Variants in UNC5B observed in about 807,000 individuals in gnomAD.
UNC5B encodes the protein unc-5 netrin receptor B, also known as netrin receptor UNC5B.
A neutral mutation model predicts 103.7 loss-of-function variants in UNC5B; 56 were observed. The observed-to-expected ratio is 0.54, with a 90% CI of 0.44 to 0.67. UNC5B has a LOEUF of 0.67. Among genes scored for constraint, UNC5B ranks in the 30% least tolerant of loss-of-function variants. The probability of loss-of-function intolerance (pLI) is 0.00; values close to 1 mark genes in which losing one functional copy is unlikely to be tolerated. For synonymous variants in UNC5B, 577 were observed against 542.0 expected, an observed-to-expected ratio of 1.06 and a Z score of -0.90; for missense variants, 1,194 against 1,284.5, an observed-to-expected ratio of 0.93 and a Z score of 1.08.
In UNC5B at chr10:71,213,561, C is replaced by T. The variant is rs72808449; in HGVS notation, c.79+497C>T. Among the ~76,000 whole-genome samples, 11,928 of 152,068 alleles carry T rather than the reference C, an allele frequency of 0.078. 578 individuals carry two copies. Among genetic ancestry groups the T allele is most frequent in the Non-Finnish European group, 0.1 (6,785 of 67,960 alleles). ...AGAGAGCGAAAAGACCTGCTGAACA[C>T]AGGAAGCGCTTCGGTAGCCTCGGCA... On this transcript the variant is annotated intron_variant, in intron 1 of 16. Coordinates refer to ENST00000335350, the MANE Select transcript of UNC5B (RefSeq NM_170744.5). The surrounding 1 kb of genome is among the most constrained non-coding windows in gnomAD (Gnocchi z 4.1).
chr10:71,285,416 T>A lies in UNC5B; in HGVS notation c.539T>A (p.Val180Glu), dbSNP rs374444516. ...VLLQCRPPEG[V>E]PVAEVEWLKN... is the part of the protein sequence containing the mutation. ...CTGCAGTGCCGCCCGCCGGAGGGGG[T>A]GCCTGTGGCCGAGGTGAGCGGGGAC... Residue 180 changes from valine (V) to glutamate (E), a missense_variant, in exon 4 of 17, where the codon GTG becomes GAG. Coordinates refer to ENST00000335350, the MANE Select transcript of UNC5B (RefSeq NM_170744.5). The A allele has an allele frequency of 1.9e-6, 3 of 1,601,102 alleles. No homozygotes were observed. The highest frequency in any genetic ancestry group is 2.6e-6 in the Non-Finnish European group (3 of 1,175,454).
At chr10:71,227,113 T>A (rs1396832369) in intron 1 of UNC5B, among the ~76,000 whole-genome samples, 1 of 151,866 alleles carries the variant, frequency 6.6e-6, no homozygotes, top group African/African-American at 2.4e-5. Flanking sequence ...GCCTCCCGAG[T>A]AGCTGGAATT....
chr10:71,244,927 A>G (rs1388660249), intron 1 of UNC5B, among the ~76,000 whole-genome samples: 1 of 152,208 alleles, frequency 6.6e-6, no homozygotes, highest in Non-Finnish European at 1.5e-5. Flanking sequence ...CAGCAGCCAG[A>G]TGTCTCCCAG....
chr10:71,234,254 C>G (rs965142493), intron 1 of UNC5B, among the ~76,000 whole-genome samples: 1 of 152,196 alleles, frequency 6.6e-6, no homozygotes, highest in Non-Finnish European at 1.5e-5. Flanking sequence ...TGCCCTTGGC[C>G]CGCACTTGAC....
chr10:71,276,034 C>G (rs372987131), intron 1 of UNC5B, among the ~76,000 whole-genome samples: 2 of 152,198 alleles, frequency 1.3e-5, no homozygotes. Context: ...GTTCGTAAGT[C>G]TTTGTGGCTA....
At chr10:71,221,305 T>A (rs1843447386) in intron 1 of UNC5B, among the ~76,000 whole-genome samples, 1 of 152,124 alleles carries the variant, frequency 6.6e-6, no homozygotes, top group Non-Finnish European at 1.5e-5. Context: ...CCTGGGCATG[T>A]GCGAGAAGGG....
In UNC5B at chr10:71,219,529, T is replaced by C. The variant is rs1420916717; in HGVS notation, c.79+6465T>C. Among the ~76,000 whole-genome samples the C allele has an allele frequency of 2.0e-5, 3 of 152,294 alleles. No homozygotes were observed. The East Asian group carries it at 5.8e-4, about 29-fold the overall frequency. On this transcript the variant is annotated intron_variant, in intron 1 of 16. Coordinates refer to ENST00000335350, the MANE Select transcript of UNC5B (RefSeq NM_170744.5). ...CTAGCCCTGCTGGCAGCTGATTAGA[T>C]TGTGCCCACCCAGATTAAGGGTGGG...
chr10:71,271,564 G>C (rs1420204359), intron 1 of UNC5B, among the ~76,000 whole-genome samples: 1 of 152,230 alleles, frequency 6.6e-6, no homozygotes, highest in African/African-American at 2.4e-5. Flanking sequence ...GAGGGCCTTG[G>C]GGGTGGAAGT....
Position 71,295,892 on chromosome 10 carries a change from A to G in UNC5B, c.2257A>G (p.Asn753Asp), listed in dbSNP as rs1589206586. 1 of 1,613,326 alleles carries G rather than the reference A, an allele frequency of 6.2e-7. No homozygotes were observed. The highest frequency in any genetic ancestry group is 8.5e-7 in the Non-Finnish European group (1 of 1,180,010). The change falls in exon 14 of 17, where the codon AAC becomes GAC. Residue 753 changes from asparagine (N) to aspartate (D), a missense_variant. Physicochemically the swap from Asn to Asp is conservative, Grantham distance 23. Transcript: ENST00000335350. ...KPLMFKDSYHNLRLSLHDLPH... is the reference protein window; with the variant it reads ...KPLMFKDSYHDLRLSLHDLPH... ...GCTAATGTTCAAGGACAGTTACCAC[A>G]ACCTGCGCCTCTCCCTCCATGACCT...
At chr10:71,274,586 A>G (rs1844724447) in intron 1 of UNC5B, among the ~76,000 whole-genome samples, 2 of 152,168 alleles carry the variant, frequency 1.3e-5, no homozygotes, top group African/African-American at 4.8e-5. Context: ...AGTAACTTCT[A>G]TAGAGACTTC....
chr10:71,292,372 A>G (rs1845286705), intron 10 of UNC5B, 95 bp from the exon 11 acceptor site: 1 of 1,078,402 alleles, frequency 9.3e-7, no homozygotes, highest in Non-Finnish European at 1.4e-6. Flanking sequence ...AGCTCAGGAG[A>G]TATCTTTCTC....
intron 11 of UNC5B, among the ~76,000 whole-genome samples, 200 bp from the exon 12 acceptor site, chr10:71,293,205 C>T (rs1308675453): frequency 3.9e-5 from 6 of 152,168 alleles, no homozygotes; most frequent in Non-Finnish European, 8.8e-5. Context: ...AGTGGAATAG[C>T]AAAAATCTGG....
In UNC5B at chr10:71,279,944, G is replaced by A. The variant is rs375543945; in HGVS notation, c.203G>A (p.Arg68His). 5.0e-5 allele frequency: 80 copies of A among 1,613,978 alleles called. No individual in the cohort carries two copies. The highest frequency in any genetic ancestry group is 3.1e-4 in the African/African-American group (23 of 75,060). ...GTGAAGAACAAGCCTGTGGAGCTCC[G>A]CTGCCGCGCCTTCCCCGCCACACAG... is the stretch of plus-strand genomic sequence containing the variant. ...YIVKNKPVEL[R>H]CRAFPATQIY... The change falls in exon 2 of 17, where the codon CGC becomes CAC. Residue 68 changes from arginine to histidine, a missense_variant. Physicochemically the swap from Arg to His is conservative, Grantham distance 29. Transcript: ENST00000335350.
intron 1 of UNC5B, among the ~76,000 whole-genome samples, chr10:71,224,073 G>GCTCA (rs1843506562): frequency 6.6e-6 from 1 of 152,208 alleles, no homozygotes; most frequent in Non-Finnish European, 1.5e-5. Context: ...TCAGCTGGTG[G>GCTCA]CTCACTGGTC....
chr10:71,280,169 GC>G, intron 2 of UNC5B, 124 bp downstream of exon 2: 1 of 1,087,168 alleles, frequency 9.2e-7, no homozygotes, highest in Non-Finnish European at 1.3e-6. Flanking sequence ...CCAAGTGCTG[GC>G]CACATGTCCC....
chr10:71,248,852 C>G (rs923044826), intron 1 of UNC5B, among the ~76,000 whole-genome samples: 2 of 34,842 alleles, frequency 5.7e-5, no homozygotes, highest in Non-Finnish European at 1.7e-4. Flanking sequence ...CTCTCTGTCT[C>G]TCTCTCTCTC....
chr10:71,284,970 T>C, intron 3 of UNC5B, 107 bp downstream of exon 3: 2 of 1,466,450 alleles, frequency 1.4e-6, no homozygotes, highest in Non-Finnish European at 1.8e-6. Context: ...CATCCCTGGC[T>C]GAGGATGCCC....
chr10:71,230,819 G>C (rs1433084270), intron 1 of UNC5B, among the ~76,000 whole-genome samples: 2 of 152,232 alleles, frequency 1.3e-5, no homozygotes, highest in Non-Finnish European at 2.9e-5. Flanking sequence ...CAGGGAAGTG[G>C]GGGTTCCCCA....
At position 71,299,819 on chromosome 10, in the gene UNC5B, CAAAGAA is replaced by C. The variant is rs980718471; in HGVS notation, c.*543_*548del. 2 of 150,812 alleles carry C rather than the reference CAAAGAA, an allele frequency of 1.3e-5. No homozygotes were observed. The highest frequency in any genetic ancestry group is 4.9e-5 in the African/African-American group (2 of 40,796). The allele number at this position is 150,812 out of a possible 1,614,324, so 9.3% of individuals were successfully genotyped here. A position where few individuals can be genotyped will look rare whatever the true frequency, so the allele number is the denominator to read the frequency against. The stretch of plus-strand genomic sequence containing the variant: ...AAAGCTTCAGACCGCTAGTAAGGCT[CAAAGAA>C]GAAGAAAAACACCAAAACCACAAGG... On this transcript the variant is annotated 3_prime_UTR_variant, in exon 17 of 17. Coordinates refer to ENST00000335350, the MANE Select transcript of UNC5B (RefSeq NM_170744.5).
Sources: gnomAD v4.1 joint callset for allele counts (sites outside exome capture counted in the v4.1 genomes callset) on GRCh38, gnomAD v4.1.1 for gene constraint, Gnocchi (gnomAD v3.1) non-coding constraint, MANE v1.5 for transcripts, NCBI Gene and HGNC (gene_info 2026-07-23, HGNC 2026-07-21) for gene names.